Variants in MEF2A observed in about 807,000 individuals in gnomAD.
MEF2A encodes myocyte-specific enhancer factor 2A.
A neutral mutation model predicts 55.8 loss-of-function variants in MEF2A; 28 were observed. That is an observed-to-expected ratio of 0.50 (90% CI 0.37 to 0.69). MEF2A has a LOEUF of 0.69. Among genes scored for constraint, MEF2A ranks in the 30% least tolerant of loss-of-function variants. The pLI is 0.00. For synonymous variants in MEF2A, 239 were observed against 227.1 expected, an observed-to-expected ratio of 1.05 and a Z score of -0.47; for missense variants, 528 against 626.2, an observed-to-expected ratio of 0.84 and a Z score of 1.67.
chr15:99,651,891 A>G (rs890645608), intron 4 of MEF2A, among the ~76,000 whole-genome samples: 2 of 152,166 alleles, frequency 1.3e-5, no homozygotes, highest in African/African-American at 2.4e-5. Context: ...AAGATGATAG[A>G]TATCACTTGT....
intron 2 of MEF2A, among the ~76,000 whole-genome samples, chr15:99,600,298 A>G (rs778703293): frequency 1.3e-5 from 2 of 152,186 alleles, no homozygotes; most frequent in Admixed American, 6.5e-5. Context: ...CTTATCCTTC[A>G]TGACGGGCCT....
At chr15:99,573,218 G>A (rs1160913417) in intron 1 of MEF2A, among the ~76,000 whole-genome samples, 1 of 150,508 alleles carries the variant, frequency 6.6e-6, no homozygotes, top group African/African-American at 2.4e-5. Context: ...AACCCTGGGA[G>A]GCGGAGCCTG....
chr15:99,635,390 T>TC (rs1347149660), intron 3 of MEF2A, among the ~76,000 whole-genome samples: 1 of 152,228 alleles, frequency 6.6e-6, no homozygotes, highest in African/African-American at 2.4e-5. Context: ...TCACTTTACT[T>TC]CCACTTAGAA....
chr15:99,601,492 C>T (rs1026387818), intron 2 of MEF2A, among the ~76,000 whole-genome samples: 3 of 147,198 alleles, frequency 2.0e-5, no homozygotes, highest in East Asian at 2.0e-4. Flanking sequence ...TTGAGTTTTT[C>T]ACCAGGTCTT....
chr15:99,587,280 T>A (rs1967663456), intron 1 of MEF2A, among the ~76,000 whole-genome samples: 1 of 152,068 alleles, frequency 6.6e-6, no homozygotes, highest in Non-Finnish European at 1.5e-5. Context: ...ACTGTTCAGC[T>A]CCCACTTATG....
At chr15:99,689,629 C>T (rs1336771671) in intron 7 of MEF2A, among the ~76,000 whole-genome samples, 6 of 152,082 alleles carry the variant, frequency 3.9e-5, no homozygotes, top group East Asian at 1.9e-4. Context: ...CACAGGCGGG[C>T]GCCACCACAT....
Position 99,690,542 on chromosome 15 carries a change from A to G in MEF2A, c.858+114A>G, listed in dbSNP as rs1597183499. 3.4e-6 allele frequency: 3 copies of G among 887,374 alleles called. No homozygotes were observed. In the East Asian group the frequency reaches 7.8e-5, roughly 23 times the overall value. The allele number at this position is 887,374 out of a possible 1,614,324, so 55.0% of individuals were successfully genotyped here. On this transcript the variant is annotated intron_variant, in intron 8 of 11. Coordinates refer to ENST00000557942, the MANE Select transcript of MEF2A (RefSeq NM_001319206.4). The stretch of plus-strand genomic sequence containing the variant: ...ACCGTAGAATCTACACCTATTCCTA[A>G]TAAATATTTCCATTCAAAATTAGTA...
intron 1 of MEF2A, among the ~76,000 whole-genome samples, chr15:99,597,726 A>T (rs1214038150): frequency 6.6e-6 from 1 of 152,052 alleles, no homozygotes; most frequent in Non-Finnish European, 1.5e-5. Flanking sequence ...CCAGCTTTAA[A>T]ATTTCTCTCT....
At chr15:99,568,921 T>A (rs909209594) in intron 1 of MEF2A, among the ~76,000 whole-genome samples, 6 of 152,232 alleles carry the variant, frequency 3.9e-5, no homozygotes. Flanking sequence ...CCAAAAATGA[T>A]CACTATTTCT....
At chr15:99,678,380 G>T (rs1386088456) in intron 7 of MEF2A, among the ~76,000 whole-genome samples, 1 of 152,134 alleles carries the variant, frequency 6.6e-6, no homozygotes, top group African/African-American at 2.4e-5. Context: ...TGTTTATTCT[G>T]TATTATAAGC....
At chr15:99,619,288 C>T (rs548139005) in intron 2 of MEF2A, among the ~76,000 whole-genome samples, 6 of 152,264 alleles carry the variant, frequency 3.9e-5, no homozygotes, top group African/African-American at 1.4e-4. Flanking sequence ...GCTCCGAAAA[C>T]CAAGGCAGGG....
intron 1 of MEF2A, among the ~76,000 whole-genome samples, chr15:99,577,554 G>T (rs1964689795): frequency 6.6e-6 from 1 of 152,174 alleles, no homozygotes; most frequent in Admixed American, 6.5e-5. Context: ...AAGCTTTAAT[G>T]TTGGACAGCT....
intron 2 of MEF2A, among the ~76,000 whole-genome samples, chr15:99,628,655 T>C (rs1328964403): frequency 3.3e-5 from 5 of 152,224 alleles, no homozygotes; most frequent in African/African-American, 7.2e-5. Context: ...TCCTAATCAA[T>C]GAAAGGATTT....
At chr15:99,658,636 CAT>C (rs2048135895) in intron 4 of MEF2A, among the ~76,000 whole-genome samples, 1 of 151,480 alleles carries the variant, frequency 6.6e-6, no homozygotes, top group Non-Finnish European at 1.5e-5. Flanking sequence ...TCTATATAGA[CAT>C]AGTGAAACTG....
At chr15:99,599,079 A>T (rs763252160) in intron 2 of MEF2A, among the ~76,000 whole-genome samples, 82 of 152,136 alleles carry the variant, frequency 5.4e-4, no homozygotes, top group Non-Finnish European at 1.1e-3. Flanking sequence ...TATTTTGATT[A>T]AAAAACTTAC....
At chr15:99,581,607 T>C (rs1458698866) in intron 1 of MEF2A, among the ~76,000 whole-genome samples, 1 of 152,184 alleles carries the variant, frequency 6.6e-6, no homozygotes, top group Admixed American at 6.5e-5. Flanking sequence ...CCTTCCTCTT[T>C]TGGACTCTGT....
At chr15:99,711,354 A>C (rs1382581139) in intron 11 of MEF2A, among the ~76,000 whole-genome samples, 1 of 152,226 alleles carries the variant, frequency 6.6e-6, no homozygotes, top group Non-Finnish European at 1.5e-5. Flanking sequence ...CAATGCACAC[A>C]CCAAACCTCA....
intron 1 of MEF2A, among the ~76,000 whole-genome samples, chr15:99,568,281 C>G (rs1054969231): frequency 6.6e-6 from 1 of 151,958 alleles, no homozygotes; most frequent in Admixed American, 6.6e-5. Flanking sequence ...GAATAATTTC[C>G]TTCTGTATTC....
intron 5 of MEF2A, chr15:99,671,766 A>G: frequency 8.6e-7 from 1 of 1,167,726 alleles, no homozygotes; most frequent in Non-Finnish European, 1.1e-6. Context: ...GTAGAAGGGA[A>G]GAAATGCATT....
Sources: gnomAD v4.1 joint callset for allele counts (sites outside exome capture counted in the v4.1 genomes callset) on GRCh38, gnomAD v4.1.1 for gene constraint, MANE v1.5 for transcripts, NCBI Gene and HGNC (gene_info 2026-07-23, HGNC 2026-07-21) for gene names.